The following SPAG16 variants were observed in gnomAD, a reference collection of about 807,000 sequenced individuals.
SPAG16 encodes the protein sperm-associated antigen 16 protein.
A neutral mutation model predicts 80.4 loss-of-function variants in SPAG16; 86 were observed. That is an observed-to-expected ratio of 1.07 (90% CI 0.90 to 1.28). The LOEUF (loss-of-function observed/expected upper bound fraction) is 1.28, where lower values mean the gene tolerates loss of function less well. Ranked by LOEUF, SPAG16 falls within the 50% of genes most tolerant of loss-of-function variation. The pLI is 0.00. For missense variants in SPAG16, 870 were observed against 765.3 expected (o/e 1.14, Z -1.61); for synonymous variants, 294 against 265.9 (o/e 1.11, Z -1.03).
intron 10 of SPAG16, among the ~76,000 whole-genome samples, chr2:213,723,626 T>C (rs1024228807): frequency 6.6e-6 from 1 of 152,134 alleles, no homozygotes. Flanking sequence ...GCTTGCCAGG[T>C]CTTCCTTTGC....
intron 10 of SPAG16, among the ~76,000 whole-genome samples, chr2:213,524,502 A>T (rs2075808084): frequency 6.6e-6 from 1 of 152,196 alleles, no homozygotes; most frequent in Admixed American, 6.5e-5. Flanking sequence ...AGCCACAGAC[A>T]ATGCCAGTTG....
intron 15 of SPAG16, among the ~76,000 whole-genome samples, chr2:214,213,249 T>C (rs1227227669): frequency 6.6e-6 from 1 of 152,204 alleles, no homozygotes; most frequent in African/African-American, 2.4e-5. Context: ...TAATCCAATC[T>C]TAAAGCAGAC....
chr2:214,198,932 C>A (rs376672595), intron 15 of SPAG16, among the ~76,000 whole-genome samples: 2 of 151,992 alleles, frequency 1.3e-5, no homozygotes, highest in East Asian at 3.9e-4. Context: ...ATGTCTTTGT[C>A]CACTTTTTGA....
At chr2:213,733,874 G>A (rs1284012885) in intron 10 of SPAG16, among the ~76,000 whole-genome samples, 4 of 152,162 alleles carry the variant, frequency 2.6e-5, no homozygotes, top group African/African-American at 9.7e-5. Context: ...GGAGCAACTT[G>A]CAAGCTCTTG....
chr2:213,404,259 A>G (rs1388099656), intron 9 of SPAG16, among the ~76,000 whole-genome samples: 1 of 152,212 alleles, frequency 6.6e-6, no homozygotes, highest in African/African-American at 2.4e-5. Flanking sequence ...AGTCAATCCT[A>G]AGCCAAAAGA....
At chr2:214,330,729 G>C (rs1297269919) in intron 15 of SPAG16, among the ~76,000 whole-genome samples, 1 of 152,194 alleles carries the variant, frequency 6.6e-6, no homozygotes, top group South Asian at 2.1e-4. Flanking sequence ...ACTTCTTTCA[G>C]CTGAGGGCTA....
intron 9 of SPAG16, among the ~76,000 whole-genome samples, chr2:213,429,761 G>A (rs74794311): frequency 0.024 from 3,686 of 152,148 alleles, 61 homozygotes; most frequent in African/African-American, 0.039. Flanking sequence ...ATTCTTTGCC[G>A]TTGAACACAC....
intron 9 of SPAG16, among the ~76,000 whole-genome samples, chr2:213,398,168 GTT>G (rs61056930): frequency 5.7e-4 from 79 of 138,850 alleles, no homozygotes; most frequent in African/African-American, 1.9e-3. Flanking sequence ...TTTGCTCTCT[GTT>G]TTTTTTTTTT....
At chr2:214,034,142 T>G (rs936607264) in intron 13 of SPAG16, among the ~76,000 whole-genome samples, 8 of 152,234 alleles carry the variant, frequency 5.3e-5, no homozygotes, top group Non-Finnish European at 1.0e-4. Flanking sequence ...ATTCACCTTA[T>G]GCAGGTTTCA....
intron 10 of SPAG16, among the ~76,000 whole-genome samples, chr2:213,755,873 C>T (rs894559898): frequency 6.6e-6 from 1 of 152,164 alleles, no homozygotes; most frequent in Admixed American, 6.5e-5. Context: ...ATTATTCAGA[C>T]ATATATGATA....
At chr2:213,667,422 T>G (rs1369818832) in intron 10 of SPAG16, among the ~76,000 whole-genome samples, 5 of 152,272 alleles carry the variant, frequency 3.3e-5, no homozygotes, top group South Asian at 2.1e-4. Context: ...CTTGGTGCTT[T>G]GGGTTCCTCA....
At chr2:214,393,375 T>G (rs1487729018) in intron 15 of SPAG16, among the ~76,000 whole-genome samples, 1 of 152,100 alleles carries the variant, frequency 6.6e-6, no homozygotes, top group African/African-American at 2.4e-5. Context: ...TGTTCAATGA[T>G]CCCCTGAATT....
chr2:213,354,714 GT>G (rs1210677899), intron 7 of SPAG16, among the ~76,000 whole-genome samples: 1 of 151,696 alleles, frequency 6.6e-6, no homozygotes, highest in Non-Finnish European at 1.5e-5. Flanking sequence ...CATATACTTT[GT>G]TTTTTTCTTG....
At chr2:214,285,528 G>T (rs1211532355) in intron 15 of SPAG16, among the ~76,000 whole-genome samples, 1 of 152,104 alleles carries the variant, frequency 6.6e-6, no homozygotes, top group Non-Finnish European at 1.5e-5. Context: ...AAAACTGCTA[G>T]CCGGGCGTGG....
At chr2:213,811,380 C>T (rs575679914) in intron 10 of SPAG16, among the ~76,000 whole-genome samples, 29 of 152,240 alleles carry the variant, frequency 1.9e-4, no homozygotes, top group South Asian at 1.0e-3. Flanking sequence ...CTTTCTCTTT[C>T]CCTCCAGTTT....
intron 10 of SPAG16, among the ~76,000 whole-genome samples, chr2:213,597,574 A>G (rs998555977): frequency 3.3e-5 from 5 of 152,166 alleles, no homozygotes; most frequent in African/African-American, 4.8e-5. Flanking sequence ...TCATCTTGCT[A>G]TATTATAATT....
intron 13 of SPAG16, among the ~76,000 whole-genome samples, chr2:214,107,301 G>A (rs1307547571): frequency 6.6e-6 from 1 of 152,134 alleles, no homozygotes; most frequent in Admixed American, 6.6e-5. Flanking sequence ...TAAGCACCTA[G>A]AATTGTGCCG....
chr2:213,574,406 A>G (rs2060041536), intron 10 of SPAG16, among the ~76,000 whole-genome samples: 1 of 152,132 alleles, frequency 6.6e-6, no homozygotes, highest in South Asian at 2.1e-4. Flanking sequence ...ACTCTACATC[A>G]GAGTAATTGT....
intron 9 of SPAG16, among the ~76,000 whole-genome samples, chr2:213,402,402 A>G (rs1479462754): frequency 2.0e-4 from 30 of 152,006 alleles, no homozygotes; most frequent in Non-Finnish European, 2.6e-4. Flanking sequence ...CTCAATTCCC[A>G]AAAATTTATT....
Sources: gnomAD v4.1 joint callset for allele counts (sites outside exome capture counted in the v4.1 genomes callset) on GRCh38, gnomAD v4.1.1 for gene constraint, MANE v1.5 for transcripts, NCBI Gene and HGNC (gene_info 2026-07-23, HGNC 2026-07-21) for gene names.